Variants in CACNA1E observed in about 807,000 individuals in gnomAD.
CACNA1E encodes calcium voltage-gated channel subunit alpha1 E, also known as voltage-dependent R-type calcium channel subunit alpha-1E.
Under a neutral mutation model 259.2 loss-of-function variants are expected in CACNA1E, and 40 were observed. The observed-to-expected ratio is 0.15, with a 90% CI of 0.12 to 0.20. The LOEUF (loss-of-function observed/expected upper bound fraction) is 0.20, where lower values mean the gene tolerates loss of function less well. Among genes scored for constraint, CACNA1E ranks in the 10% least tolerant of loss-of-function variants. The pLI is 1.00. For missense variants in CACNA1E, 1,874 were observed against 3,040.1 expected (o/e 0.62, Z 9.02); for synonymous variants, 1,104 against 1,138.5 (o/e 0.97, Z 0.61).
rs143209216 is a variant in CACNA1E, at chr1:181,679,406, C to T, written c.1055+27965C>T. 9.5e-3 allele frequency among the ~76,000 whole-genome samples: 1,441 copies of T among 152,296 alleles called. 54 individuals carry two copies. In the South Asian group the frequency reaches 0.13, roughly 13 times the overall value. ...CAAAGCTCACGTGCTTTGTCCTACA[C>T]TCTGCTGCCCCTCGGAAAATGCACA... On this transcript the variant is annotated intron_variant, in intron 7 of 47. Coordinates refer to ENST00000367573, the MANE Select transcript of CACNA1E (RefSeq NM_001205293.3).
intron 17 of CACNA1E, among the ~76,000 whole-genome samples, chr1:181,724,994 G>T (rs1028708451): frequency 1.3e-5 from 2 of 152,304 alleles, no homozygotes; most frequent in African/African-American, 4.8e-5. Context: ...GTAGGCAAAG[G>T]TCATTTTGGG....
chr1:181,737,046 C>G (rs1656109696), intron 22 of CACNA1E, among the ~76,000 whole-genome samples: 1 of 152,188 alleles, frequency 6.6e-6, no homozygotes. Flanking sequence ...GGCTAGAATG[C>G]AGAATATAGA....
At chr1:181,791,554 G>C (rs1331006139) in intron 44 of CACNA1E, among the ~76,000 whole-genome samples, 1 of 152,150 alleles carries the variant, frequency 6.6e-6, no homozygotes, top group Non-Finnish European at 1.5e-5. Context: ...TTCAAGTTTT[G>C]GCTTAGCTAA....
At chr1:181,327,539 C>G (rs1557914139) in intron 1 of CACNA1E, among the ~76,000 whole-genome samples, 1 of 152,320 alleles carries the variant, frequency 6.6e-6, no homozygotes, top group South Asian at 2.1e-4. Flanking sequence ...TCTCCCCAAC[C>G]CCCATCTTTC....
chr1:181,660,377 T>C (rs1386562162), intron 7 of CACNA1E, among the ~76,000 whole-genome samples: 1 of 152,180 alleles, frequency 6.6e-6, no homozygotes, highest in East Asian at 1.9e-4. Context: ...ATTATGGAAA[T>C]ATTTCAAAAA....
At chr1:181,641,174 G>A (rs951650597) in intron 6 of CACNA1E, among the ~76,000 whole-genome samples, 3 of 152,360 alleles carry the variant, frequency 2.0e-5, no homozygotes, top group Admixed American at 6.5e-5. Flanking sequence ...ACTGTGAGGT[G>A]TGCCTAATTG....
At chr1:181,719,979 C>A in intron 13 of CACNA1E, 116 bp downstream of exon 13, 1 of 744,110 alleles carries the variant, frequency 1.3e-6, no homozygotes, top group South Asian at 2.0e-5. Context: ...CCCTTCCCTG[C>A]CCCACCCCTT....
chr1:181,654,066 C>T (rs1658987389), intron 7 of CACNA1E, among the ~76,000 whole-genome samples: 1 of 151,178 alleles, frequency 6.6e-6, no homozygotes, highest in Non-Finnish European at 1.5e-5. Context: ...ATGAACAATG[C>T]AGGGAGTAGA....
chr1:181,554,555 A>G (rs906690850), intron 3 of CACNA1E, among the ~76,000 whole-genome samples: 6 of 152,208 alleles, frequency 3.9e-5, no homozygotes, highest in African/African-American at 1.4e-4. Flanking sequence ...ATCTCATGCT[A>G]ATTCCTAATA....
chr1:181,452,686 T>A (rs1455493519), intron 2 of CACNA1E, among the ~76,000 whole-genome samples: 1 of 152,248 alleles, frequency 6.6e-6, no homozygotes, highest in Non-Finnish European at 1.5e-5. Flanking sequence ...TATCTCTAGG[T>A]AGGCCTGTCC....
chr1:181,368,102 A>C (rs1421962060), intron 1 of CACNA1E, among the ~76,000 whole-genome samples: 1 of 152,104 alleles, frequency 6.6e-6, no homozygotes, highest in African/African-American at 2.4e-5. Flanking sequence ...GTGGTGGTGC[A>C]CACCTGTAAT....
intron 2 of CACNA1E, among the ~76,000 whole-genome samples, chr1:181,436,669 A>G (rs374666046): frequency 6.6e-6 from 1 of 152,230 alleles, no homozygotes; most frequent in Non-Finnish European, 1.5e-5. Context: ...GAACTCAGAC[A>G]TACAGAGTAC....
chr1:181,509,716 A>T (rs1419201808), intron 1 of CACNA1E, among the ~76,000 whole-genome samples: 1 of 152,212 alleles, frequency 6.6e-6, no homozygotes, highest in Admixed American at 6.5e-5. Flanking sequence ...TTTCAAAAAC[A>T]TCTAACAGAA....
At chr1:181,795,073 T>C (rs1034546967) in intron 46 of CACNA1E, 29 bp downstream of exon 46, 9 of 1,595,526 alleles carry the variant, frequency 5.6e-6, no homozygotes, top group Non-Finnish European at 6.9e-6. Flanking sequence ...TCCAGCTCTT[T>C]CATCAGGCAG....
At chr1:181,594,043 G>A (rs1262549406) in intron 6 of CACNA1E, among the ~76,000 whole-genome samples, 1 of 152,024 alleles carries the variant, frequency 6.6e-6, no homozygotes, top group African/African-American at 2.4e-5. Context: ...TCCTTTCCTG[G>A]CAAAATAAAA....
intron 1 of CACNA1E, among the ~76,000 whole-genome samples, chr1:181,352,798 CT>C (rs1306487765): frequency 6.6e-6 from 1 of 152,270 alleles, no homozygotes; most frequent in East Asian, 1.9e-4. Context: ...GTGCCAGTGT[CT>C]CTTTGATCTG....
chr1:181,409,472 C>T (rs1276007610), intron 1 of CACNA1E, among the ~76,000 whole-genome samples: 1 of 152,170 alleles, frequency 6.6e-6, no homozygotes, highest in African/African-American at 2.4e-5. Flanking sequence ...ATTTGGCAAA[C>T]AGCACTAATG....
chr1:181,514,357 C>G (rs1340455773), intron 3 of CACNA1E, among the ~76,000 whole-genome samples: 3 of 152,214 alleles, frequency 2.0e-5, no homozygotes, highest in Non-Finnish European at 4.4e-5. Context: ...ACCAGGGAGG[C>G]AGGCAAAGTG....
chr1:181,328,438 A>T (rs895610050), intron 1 of CACNA1E, among the ~76,000 whole-genome samples: 5 of 152,196 alleles, frequency 3.3e-5, no homozygotes, highest in African/African-American at 1.2e-4. Context: ...AGAGAGGGCA[A>T]GCCCCAGTGA....
Sources: allele counts gnomAD v4.1 joint callset (sites outside exome capture counted in the v4.1 genomes callset), GRCh38; gene constraint gnomAD v4.1.1; transcripts MANE v1.5; gene names NCBI Gene and HGNC (gene_info 2026-07-23, HGNC 2026-07-21).